TENM1: variants seen among roughly 807,000 people sequenced by gnomAD.
TENM1 encodes the protein teneurin transmembrane protein 1.
A neutral mutation model predicts 174.8 loss-of-function variants in TENM1; 35 were observed. That is an observed-to-expected ratio of 0.20 (90% CI 0.15 to 0.27). The LOEUF (loss-of-function observed/expected upper bound fraction) is 0.27, where lower values mean the gene tolerates loss of function less well. Ranked by LOEUF, TENM1 falls within the 10% of genes least tolerant of loss-of-function variation. TENM1 has a pLI of 1.00. For missense variants in TENM1, 1,633 were observed against 2,130.1 expected (o/e 0.77, Z 4.59); for synonymous variants, 781 against 798.7 (o/e 0.98, Z 0.37).
At chrX:124,408,050 T>C (rs772744929) in intron 25 of TENM1, among the ~76,000 whole-genome samples, 2 of 111,728 alleles carry the variant, frequency 1.8e-5, no homozygotes, top group South Asian at 7.6e-4. Flanking sequence ...GAACGGAGCA[T>C]AGGAAGGCTC....
intron 1 of TENM1, among the ~76,000 whole-genome samples, chrX:124,936,357 G>A (rs1262087042): frequency 9.0e-6 from 1 of 111,090 alleles, no homozygotes; most frequent in Non-Finnish European, 1.9e-5. Context: ...CTCTTCACAT[G>A]CTCCGCTCTT....
At position 124,653,905 on chromosome X, in the gene TENM1, C is replaced by T. The variant is rs190574723; in HGVS notation, c.1169-122G>A. The T allele has an allele frequency of 1.3e-5, 8 of 593,274 alleles. No homozygotes were observed. The South Asian group carries it at 1.6e-4, about 12-fold the overall frequency. The allele number at this position is 593,274 out of a possible 1,213,427, so 48.9% of individuals were successfully genotyped here. A position where few individuals can be genotyped will look rare whatever the true frequency, so the allele number is the denominator to read the frequency against. On this transcript the variant is annotated intron_variant, in intron 6 of 31. Transcript: ENST00000422452. ...TACTCAGCTTTTTCTTCCTCCCCACCCCATCTGTCTTTCAAGGCCTTGCCC... is the reference window on the plus strand; with the variant it reads ...TACTCAGCTTTTTCTTCCTCCCCACTCCATCTGTCTTTCAAGGCCTTGCCC...
At chrX:124,883,900 G>A (rs2057341795) in intron 3 of TENM1, among the ~76,000 whole-genome samples, 1 of 111,270 alleles carries the variant, frequency 9.0e-6, no homozygotes, top group African/African-American at 3.3e-5. Context: ...TAGTGGTGGT[G>A]CTGGGCCAGG....
chrX:124,587,384 A>G (rs1257162879), intron 11 of TENM1, among the ~76,000 whole-genome samples: 1,696 of 107,284 alleles, frequency 0.016, 31 homozygotes, highest in African/African-American at 0.045. Context: ...AAATAATGCC[A>G]CATATCTACA....
intron 3 of TENM1, among the ~76,000 whole-genome samples, chrX:124,787,980 A>T (rs778726242): frequency 1.3e-4 from 15 of 111,807 alleles, no homozygotes; most frequent in Non-Finnish European, 2.3e-4. Flanking sequence ...AGGAGGAGCA[A>T]GTCACATCTT....
chrX:125,012,864 G>C, the TENM1 span, among the ~76,000 whole-genome samples: 1 of 111,932 alleles, frequency 8.9e-6, no homozygotes, highest in African/African-American at 3.2e-5. Context: ...TCAGTATCTA[G>C]TCGGTTGAGT....
At chrX:125,150,784 C>T in the TENM1 span, among the ~76,000 whole-genome samples, 914 of 112,600 alleles carry the variant, frequency 8.1e-3, 16 homozygotes, top group African/African-American at 0.028. Context: ...CTGCACAAGG[C>T]ATCACAATAG....
At chrX:124,614,326 T>G (rs2050345922) in intron 11 of TENM1, among the ~76,000 whole-genome samples, 1 of 112,164 alleles carries the variant, frequency 8.9e-6, no homozygotes. Flanking sequence ...TCCCCCTATA[T>G]GAAATCTCAA....
In TENM1 at chrX:124,867,995, T is replaced by C. The variant is rs6649295; in HGVS notation, c.535+26301A>G. On this transcript the variant is annotated intron_variant, in intron 3 of 31. Coordinates refer to ENST00000422452, the Ensembl canonical transcript of TENM1. The stretch of plus-strand genomic sequence containing the variant: ...AGAAATTGAAGAGGACACCAAAAAA[T>C]GGAAAAATATTCCATGTTCATGGAC... 1.5e-3 allele frequency among the ~76,000 whole-genome samples: 168 copies of C among 111,375 alleles called. 1 individual carries two copies. The highest frequency in any genetic ancestry group is 5.2e-3 in the African/African-American group (158 of 30,657).
the TENM1 span, among the ~76,000 whole-genome samples, chrX:125,036,322 C>T: frequency 9.0e-6 from 1 of 111,578 alleles, no homozygotes; most frequent in African/African-American, 3.2e-5. Context: ...ATTTTTCACC[C>T]TAAATAAAGC....
At chrX:124,769,694 A>G (rs1041921625) in intron 3 of TENM1, among the ~76,000 whole-genome samples, 2 of 112,413 alleles carry the variant, frequency 1.8e-5, no homozygotes, top group Admixed American at 9.4e-5. Flanking sequence ...TAAAGTTAAA[A>G]GACAGAAATT....
At chrX:125,141,434 T>C in the TENM1 span, among the ~76,000 whole-genome samples, 1 of 111,890 alleles carries the variant, frequency 8.9e-6, no homozygotes, top group East Asian at 2.8e-4. Context: ...CTTCCTGGCA[T>C]GGCAGTTACA....
At chrX:124,619,584 T>A (rs2050471008) in intron 11 of TENM1, among the ~76,000 whole-genome samples, 1 of 111,823 alleles carries the variant, frequency 8.9e-6, no homozygotes, top group South Asian at 3.7e-4. Context: ...AGAAATGGAA[T>A]GACTGAGTTG....
intron 22 of TENM1, among the ~76,000 whole-genome samples, chrX:124,471,268 AG>A (rs2061308997): frequency 1.7e-5 from 1 of 59,723 alleles, no homozygotes; most frequent in Non-Finnish European, 2.7e-5. Flanking sequence ...TATAATATAT[AG>A]TACTATATAT....
chrX:124,557,778 TTCTA>T (rs199626841), intron 14 of TENM1, among the ~76,000 whole-genome samples: 1,241 of 112,184 alleles, frequency 0.011, 14 homozygotes, highest in African/African-American at 0.038. Flanking sequence ...TGTCTGATAG[TTCTA>T]TCTTTCACTA....
the TENM1 span, among the ~76,000 whole-genome samples, chrX:124,969,738 G>A: frequency 9.2e-6 from 1 of 108,786 alleles, no homozygotes; most frequent in African/African-American, 3.4e-5. Flanking sequence ...GTCTCCAATG[G>A]CCCGACTCTT....
At chrX:125,184,244 AC>A in the TENM1 span, among the ~76,000 whole-genome samples, 4 of 112,106 alleles carry the variant, frequency 3.6e-5, no homozygotes, top group African/African-American at 1.3e-4. Context: ...AGTAAGACTA[AC>A]ATTTTCCACA....
At chrX:124,613,225 C>A (rs2050318837) in intron 11 of TENM1, among the ~76,000 whole-genome samples, 1 of 111,232 alleles carries the variant, frequency 9.0e-6, no homozygotes, top group Admixed American at 9.6e-5. Flanking sequence ...ATCATAATGT[C>A]TCAAGTCATG....
At chrX:124,824,023 A>G (rs1303000855) in intron 3 of TENM1, among the ~76,000 whole-genome samples, 1 of 112,002 alleles carries the variant, frequency 8.9e-6, no homozygotes, top group Non-Finnish European at 1.9e-5. Flanking sequence ...TGTATGGTAT[A>G]GGTACACCAT....
Sources: allele counts gnomAD v4.1 joint callset (sites outside exome capture counted in the v4.1 genomes callset), GRCh38; gene constraint gnomAD v4.1.1; transcripts MANE v1.5; gene names NCBI Gene and HGNC (gene_info 2026-07-23, HGNC 2026-07-21).